JCAD: variants seen among roughly 807,000 people sequenced by gnomAD.
JCAD encodes the protein junctional cadherin 5-associated protein.
A neutral mutation model predicts 98.0 loss-of-function variants in JCAD; 40 were observed. The ratio of observed to expected loss-of-function variants is 0.41; its 90% CI spans 0.32 to 0.53. JCAD has a LOEUF of 0.53. JCAD is among the 20% of genes least tolerant of loss of function. JCAD has a pLI of 0.31. For missense variants in JCAD, 1,705 were observed against 1,738.1 expected, an observed-to-expected ratio of 0.98 and a Z score of 0.34; for synonymous variants, 691 against 682.3, an observed-to-expected ratio of 1.01 and a Z score of -0.20.
At chr10:30,022,418 T>C (rs1836680122) in intron 3 of JCAD, among the ~76,000 whole-genome samples, 2 of 57,608 alleles carry the variant, frequency 3.5e-5, no homozygotes, top group East Asian at 3.8e-4. Context: ...AGGATTCTTA[T>C]GTTTAAAATG....
chr10:30,036,983 G>A (rs976640310), intron 2 of JCAD, among the ~76,000 whole-genome samples: 2 of 152,212 alleles, frequency 1.3e-5, no homozygotes, highest in Non-Finnish European at 2.9e-5. Context: ...CTCCCCTTCC[G>A]GAGGCGTCTG....
At chr10:30,082,737 G>A (rs1325776551) in intron 1 of JCAD, among the ~76,000 whole-genome samples, 2 of 150,978 alleles carry the variant, frequency 1.3e-5, no homozygotes, top group Non-Finnish European at 1.5e-5. Flanking sequence ...TGTAATCCCA[G>A]CTACTTCGGA....
intron 1 of JCAD, among the ~76,000 whole-genome samples, chr10:30,100,709 G>T (rs1174355188): frequency 2.0e-5 from 3 of 152,140 alleles, no homozygotes; most frequent in Non-Finnish European, 4.4e-5. Context: ...CTTAAACAAA[G>T]CCTGAGGCAT....
Position 30,027,426 on chromosome 10 carries a change from T to C in JCAD, c.2722A>G (p.Arg908Gly). ...CAGCTCTCAGACTTACTCTCACCTCTTCCCGACCTACACACAGGGCTCTCC... is the reference window on the plus strand; with the variant it reads ...CAGCTCTCAGACTTACTCTCACCTCCTCCCGACCTACACACAGGGCTCTCC... ...VPESPVCRSG[R>G]GESKSESWSE... The change falls in exon 3 of 4, where the codon AGA becomes GGA. Residue 908 changes from arginine (R) to glycine (G), a missense_variant. Coordinates refer to ENST00000375377, the MANE Select transcript of JCAD (RefSeq NM_020848.4). 2 of 1,603,846 alleles carry C rather than the reference T, an allele frequency of 1.2e-6. No homozygotes were observed. The highest frequency in any genetic ancestry group is 1.7e-6 in the Non-Finnish European group (2 of 1,179,714).
intron 2 of JCAD, among the ~76,000 whole-genome samples, chr10:30,046,951 G>GTGGTTGTGTGCACCTGGCCCAGCTA (rs958360937): frequency 2.0e-5 from 3 of 152,182 alleles, no homozygotes; most frequent in Non-Finnish European, 2.9e-5. Context: ...TTAGCCAGGT[G>GTGGTTGTGTGCACCTGGCCCAGCTA]TGGTTGTGTG....
chr10:30,033,814 A>T (rs1335264405), intron 2 of JCAD, among the ~76,000 whole-genome samples: 2 of 152,208 alleles, frequency 1.3e-5, no homozygotes, highest in African/African-American at 4.8e-5. Context: ...AGCCCTTCCA[A>T]TCACAGAGGC....
At chr10:30,036,361 A>C (rs1837109280) in intron 2 of JCAD, among the ~76,000 whole-genome samples, 1 of 152,032 alleles carries the variant, frequency 6.6e-6, no homozygotes, top group African/African-American at 2.4e-5. Flanking sequence ...AGGCAGGAGA[A>C]TGGCTTGAAC....
At chr10:30,047,019 C>T (rs1837350818) in intron 2 of JCAD, among the ~76,000 whole-genome samples, 1 of 151,914 alleles carries the variant, frequency 6.6e-6, no homozygotes, top group South Asian at 2.1e-4. Flanking sequence ...CCCAGGAGGT[C>T]AAGGCTGCAG....
At chr10:30,018,352 T>C (rs908428503) in intron 3 of JCAD, among the ~76,000 whole-genome samples, 6 of 151,458 alleles carry the variant, frequency 4.0e-5, no homozygotes, top group Non-Finnish European at 7.4e-5. Context: ...AGAATACGCA[T>C]CTTTGTGATC....
chr10:30,031,861 TCTC>T (rs1283806845), intron 2 of JCAD, among the ~76,000 whole-genome samples: 1 of 148,620 alleles, frequency 6.7e-6, no homozygotes, highest in Non-Finnish European at 1.5e-5. Context: ...TTCACGCCAT[TCTC>T]CTGCCTCAGC....
intron 2 of JCAD, among the ~76,000 whole-genome samples, chr10:30,034,127 G>A (rs1261429618): frequency 6.6e-6 from 1 of 152,068 alleles, no homozygotes; most frequent in Non-Finnish European, 1.5e-5. Context: ...GGAGGCTGAG[G>A]TGGGAGAATC....
chr10:30,076,210 AGAGG>A (rs1390868103), intron 1 of JCAD, among the ~76,000 whole-genome samples: 1 of 152,038 alleles, frequency 6.6e-6, no homozygotes, highest in African/African-American at 2.4e-5. Context: ...TATTTTTAGT[AGAGG>A]CATGGTTTCA....
chr10:30,102,592 T>G (rs1838490595), intron 1 of JCAD, among the ~76,000 whole-genome samples: 1 of 152,236 alleles, frequency 6.6e-6, no homozygotes, highest in African/African-American at 2.4e-5. Context: ...AAACAACACC[T>G]TCCGCTTTCT....
chr10:30,036,218 C>T lies in JCAD; in HGVS notation c.282-6352G>A, dbSNP rs185750614. Among the ~76,000 whole-genome samples the T allele has an allele frequency of 5.1e-3, 772 of 152,208 alleles. 8 individuals carry two copies. Among genetic ancestry groups the T allele is most frequent in the African/African-American group, 0.018 (737 of 41,524 alleles). On this transcript the variant is annotated intron_variant, in intron 2 of 3. Transcript: ENST00000375377. Reference sequence around the variant, plus strand: ...CAGCACTTTGGGAGGCTGAGGCGGACGGATCACCTGAAGTCAGTAGTTCAA... The same window carrying T: ...CAGCACTTTGGGAGGCTGAGGCGGATGGATCACCTGAAGTCAGTAGTTCAA...
Position 30,029,041 on chromosome 10 carries a change from A to C in JCAD, c.1107T>G (p.Gly369=), listed in dbSNP as rs1185720515. The change falls in exon 3 of 4, where the codon GGT becomes GGG. Residue 369 remains glycine, a synonymous_variant. Transcript: ENST00000375377. Reference sequence around the variant, plus strand: ...CGGTCGGAGACTGCTGTTGACTGTGACCGCCACACACATTTATGGGCACCG... The same window carrying C: ...CGGTCGGAGACTGCTGTTGACTGTGCCCGCCACACACATTTATGGGCACCG... ...EDTVPINVCG[G]HSQQQSPTEK... is the part of the protein sequence containing the mutation. 1 of 1,613,878 alleles carries C rather than the reference A, an allele frequency of 6.2e-7. No homozygotes were observed. The highest frequency in any genetic ancestry group is 1.1e-5 in the South Asian group (1 of 91,048).
At chr10:30,084,785 C>G (rs971435910) in intron 1 of JCAD, among the ~76,000 whole-genome samples, 3 of 87,108 alleles carry the variant, frequency 3.4e-5, no homozygotes, top group African/African-American at 1.5e-4. Context: ...AAATCTGTAT[C>G]TATCTATCTA....
chr10:30,017,850 T>C lies in JCAD; in HGVS notation c.*33A>G. On this transcript the variant is annotated 3_prime_UTR_variant, in exon 4 of 4. Coordinates refer to ENST00000375377, the MANE Select transcript of JCAD (RefSeq NM_020848.4). ...TACCAGCTACTTGAGAATACTCAAT[T>C]CGCAACGGAATGCAAGCTCCACCGG... is the stretch of plus-strand genomic sequence containing the variant. The C allele has an allele frequency of 6.2e-7, 1 of 1,601,580 alleles. No individual in the cohort carries two copies. Among genetic ancestry groups the C allele is most frequent in the East Asian group, 2.2e-5 (1 of 44,822 alleles).
chr10:30,099,280 A>G (rs1838430659), intron 1 of JCAD, among the ~76,000 whole-genome samples: 2 of 152,280 alleles, frequency 1.3e-5, no homozygotes, highest in South Asian at 4.1e-4. Flanking sequence ...TTTATTCCTA[A>G]CTTCTCATTT....
chr10:30,046,293 G>A (rs1003740599), intron 2 of JCAD, among the ~76,000 whole-genome samples: 1 of 152,090 alleles, frequency 6.6e-6, no homozygotes, highest in African/African-American at 2.4e-5. Context: ...CTGGCTCTGT[G>A]GCAAGCTGCC....
Sources: gnomAD v4.1 joint callset for allele counts (sites outside exome capture counted in the v4.1 genomes callset) on GRCh38, gnomAD v4.1.1 for gene constraint, MANE v1.5 for transcripts, NCBI Gene and HGNC (gene_info 2026-07-23, HGNC 2026-07-21) for gene names.